PDE4D: variants seen among roughly 807,000 people sequenced by gnomAD.
PDE4D encodes 3',5'-cyclic-AMP phosphodiesterase 4D.
PDE4D carries 24 observed loss-of-function variants against 87.4 expected under a neutral mutation model. That is an observed-to-expected ratio of 0.27 (90% CI 0.20 to 0.39). The LOEUF is 0.39. Ranked by LOEUF, PDE4D falls within the 10% of genes least tolerant of loss-of-function variation. The pLI is 1.00. For missense variants in PDE4D, 714 were observed against 1,041.0 expected (o/e 0.69, Z 4.32); for synonymous variants, 384 against 383.2 (o/e 1.00, Z -0.02).
chr5:58,990,036 C>A, intron 9 of PDE4D, 117 bp from the exon 10 acceptor site: 1 of 632,774 alleles, frequency 1.6e-6, no homozygotes, highest in Admixed American at 2.9e-5. Context: ...CTGGAAATGG[C>A]AACTGCACTC....
chr5:60,052,863 G>A (rs1240607847), intron 2 of PDE4D, among the ~76,000 whole-genome samples: 2 of 152,110 alleles, frequency 1.3e-5, no homozygotes, highest in African/African-American at 2.4e-5. Context: ...AAATCAATGT[G>A]TGAAAATCAC....
chr5:60,367,420 C>G (rs960228782), intron 1 of PDE4D, among the ~76,000 whole-genome samples: 1 of 146,936 alleles, frequency 6.8e-6, no homozygotes, highest in Non-Finnish European at 1.5e-5. Flanking sequence ...CATTGCACTC[C>G]AGCGTGGACA....
At chr5:59,046,803 G>T (rs911268038) in intron 5 of PDE4D, among the ~76,000 whole-genome samples, 1 of 152,184 alleles carries the variant, frequency 6.6e-6, no homozygotes, top group African/African-American at 2.4e-5. Context: ...GAATAAGGAG[G>T]CCTTTTGTCC....
intron 1 of PDE4D, among the ~76,000 whole-genome samples, chr5:60,308,163 T>C (rs1215466170): frequency 6.6e-6 from 1 of 152,242 alleles, no homozygotes; most frequent in Non-Finnish European, 1.5e-5. Context: ...GTATATAGTC[T>C]CATAAAATGC....
intron 2 of PDE4D, among the ~76,000 whole-genome samples, chr5:60,171,339 C>T (rs1006392063): frequency 3.9e-5 from 6 of 151,988 alleles, no homozygotes; most frequent in Admixed American, 2.0e-4. Context: ...GAGAGATACT[C>T]TTTACAGAAA....
chr5:59,481,844 T>C (rs1804315035), intron 1 of PDE4D, among the ~76,000 whole-genome samples: 2 of 151,972 alleles, frequency 1.3e-5, no homozygotes, highest in South Asian at 2.1e-4. Flanking sequence ...CTCCAAAAAA[T>C]GTCTCCTGCA....
rs143085409 is a variant in PDE4D at position 59,932,500 on chromosome 5, C to A, written c.272+55988G>T. Among the ~76,000 whole-genome samples, 152 of 152,270 alleles carry A rather than the reference C, an allele frequency of 1.0e-3. No individual in the cohort carries two copies. The Middle Eastern group carries it at 0.01, about 10-fold the overall frequency. On this transcript the variant is annotated intron_variant, in intron 3 of 16. Transcript: ENST00000502484. Reference sequence around the variant, plus strand: ...ATTTGCTTAGCTACTATTATTAAGTCCTCAGGTGAGGAAACTGAGGCAGAG... The same window carrying A: ...ATTTGCTTAGCTACTATTATTAAGTACTCAGGTGAGGAAACTGAGGCAGAG...
At chr5:59,402,083 C>T (rs1389088636) in intron 1 of PDE4D, among the ~76,000 whole-genome samples, 1 of 152,180 alleles carries the variant, frequency 6.6e-6, no homozygotes, top group Admixed American at 6.5e-5. Flanking sequence ...CAAGATTCTC[C>T]AGGCTATGCA....
intron 3 of PDE4D, among the ~76,000 whole-genome samples, chr5:59,922,033 G>A (rs750810073): frequency 2.0e-5 from 3 of 152,020 alleles, no homozygotes; most frequent in Admixed American, 6.5e-5. Flanking sequence ...GTGAATCTTT[G>A]TGCTCGGGGG....
intron 1 of PDE4D, among the ~76,000 whole-genome samples, chr5:59,394,177 G>T (rs1788827841): frequency 1.3e-5 from 2 of 152,210 alleles, no homozygotes; most frequent in African/African-American, 4.8e-5. Context: ...ATAAATGACA[G>T]CAGATGGAAT....
At chr5:59,129,999 G>A (rs1341632075) in intron 5 of PDE4D, among the ~76,000 whole-genome samples, 2 of 151,884 alleles carry the variant, frequency 1.3e-5, no homozygotes, top group Admixed American at 1.3e-4. Flanking sequence ...AAATAAATGG[G>A]GAAAATCATA....
intron 2 of PDE4D, among the ~76,000 whole-genome samples, chr5:60,106,385 T>G (rs1434608008): frequency 6.6e-6 from 1 of 151,166 alleles, no homozygotes; most frequent in Non-Finnish European, 1.5e-5. Flanking sequence ...ACAAAGAGAC[T>G]TAGACTCCCA....
chr5:59,993,852 T>C (rs946073022), intron 2 of PDE4D, among the ~76,000 whole-genome samples: 3 of 152,048 alleles, frequency 2.0e-5, no homozygotes, highest in African/African-American at 7.2e-5. Flanking sequence ...TTGAAATAAC[T>C]GTAATATGAA....
intron 1 of PDE4D, among the ~76,000 whole-genome samples, chr5:60,215,130 T>C (rs1276015869): frequency 6.6e-6 from 1 of 152,150 alleles, no homozygotes; most frequent in Non-Finnish European, 1.5e-5. Flanking sequence ...CTGTAGCGAT[T>C]TCTATGATTC....
At chr5:59,306,380 T>A (rs1352052764) in intron 1 of PDE4D, among the ~76,000 whole-genome samples, 1 of 152,220 alleles carries the variant, frequency 6.6e-6, no homozygotes, top group Non-Finnish European at 1.5e-5. Flanking sequence ...ATTTAGGCCA[T>A]TTACATTCAA....
At chr5:59,135,664 A>G (rs1474135769) in intron 5 of PDE4D, among the ~76,000 whole-genome samples, 4 of 152,170 alleles carry the variant, frequency 2.6e-5, no homozygotes, top group Non-Finnish European at 2.9e-5. Context: ...ATATTTATGT[A>G]TTCATTCAAT....
chr5:59,030,421 AC>A (rs1430760941), intron 6 of PDE4D, among the ~76,000 whole-genome samples: 1 of 135,358 alleles, frequency 7.4e-6, no homozygotes, highest in Non-Finnish European at 1.6e-5. Context: ...CAACAGAGAT[AC>A]AAAAAAAAAA....
chr5:59,761,438 T>C (rs1315747121), intron 1 of PDE4D, among the ~76,000 whole-genome samples: 1 of 152,218 alleles, frequency 6.6e-6, no homozygotes, highest in Non-Finnish European at 1.5e-5. Flanking sequence ...TTAATTTTCT[T>C]TTAATTTTTT....
intron 1 of PDE4D, among the ~76,000 whole-genome samples, chr5:59,397,782 G>C (rs1251089177): frequency 1.1e-5 from 1 of 92,526 alleles, no homozygotes. Flanking sequence ...AAAAATTAAT[G>C]AATCCAGGAG....
Sources: allele counts gnomAD v4.1 joint callset (sites outside exome capture counted in the v4.1 genomes callset), GRCh38; gene constraint gnomAD v4.1.1; transcripts MANE v1.5; gene names NCBI Gene and HGNC (gene_info 2026-07-23, HGNC 2026-07-21).